The following CPSF6 variants were observed in gnomAD, a reference collection of about 807,000 sequenced individuals.
CPSF6 encodes cleavage and polyadenylation specificity factor subunit 6.
A neutral mutation model predicts 56.7 loss-of-function variants in CPSF6; 10 were observed. The ratio of observed to expected loss-of-function variants is 0.18; its 90% CI spans 0.11 to 0.30. The LOEUF (loss-of-function observed/expected upper bound fraction) is 0.30, where lower values mean the gene tolerates loss of function less well. CPSF6 is among the 10% of genes least tolerant of loss of function. CPSF6 has a pLI of 1.00. For synonymous variants in CPSF6, 248 were observed against 244.8 expected, an observed-to-expected ratio of 1.01 and a Z score of -0.12; for missense variants, 419 against 722.9, an observed-to-expected ratio of 0.58 and a Z score of 4.82.
chr12:69,248,523 T>G (rs533542078), intron 1 of CPSF6, among the ~76,000 whole-genome samples: 5 of 152,338 alleles, frequency 3.3e-5, no homozygotes, highest in Admixed American at 2.0e-4. Context: ...CCACACCGCC[T>G]GAAGCTTCAG....
At position 69,258,274 on chromosome 12, in the gene CPSF6, G is replaced by A. The variant is rs897795909; in HGVS notation, c.695-316G>A. ...TTTCACTTTCTAGCTTGGCATCAGA[G>A]TAGAATATAAGGTGGGTGATTTCAC... On this transcript the variant is annotated intron_variant, in intron 5 of 9. Transcript: ENST00000435070. The surrounding 1 kb of genome is among the most constrained non-coding windows in gnomAD (Gnocchi z 4.2). 6.1e-6 allele frequency: 4 copies of A among 660,958 alleles called. No individual in the cohort carries two copies. The highest frequency in any genetic ancestry group is 1.0e-5 in the Non-Finnish European group (4 of 394,120). The allele number at this position is 660,958 out of a possible 1,614,324, so 40.9% of individuals were successfully genotyped here.
At chr12:69,263,468 A>G (rs1872837543) in intron 9 of CPSF6, among the ~76,000 whole-genome samples, 1 of 152,198 alleles carries the variant, frequency 6.6e-6, no homozygotes, top group East Asian at 1.9e-4. Context: ...GGAGGGCACT[A>G]TAAGGCTTAT....
Position 69,274,056 on chromosome 12 carries a change from C to A in CPSF6, c.*4548C>A, listed in dbSNP as rs187903912. ...ATTTTAGCTATTGACTCTATGGTGA[C>A]TTCACAATAAGATTTCTGTGCAAAA... On this transcript the variant is annotated 3_prime_UTR_variant, in exon 10 of 10. Transcript: ENST00000435070. 2 of 147,852 alleles carry A rather than the reference C, an allele frequency of 1.4e-5. No homozygotes were observed. Among genetic ancestry groups the A allele is most frequent in the Admixed American group, 1.3e-4 (2 of 14,842 alleles). The allele number at this position is 147,852 out of a possible 1,614,324, so 9.2% of individuals were successfully genotyped here.
chr12:69,263,191 T>C (rs938439979), intron 9 of CPSF6, among the ~76,000 whole-genome samples: 2 of 152,060 alleles, frequency 1.3e-5, no homozygotes, highest in Admixed American at 6.5e-5. Context: ...TAAAAGTTAA[T>C]CAATTAAAAT....
At chr12:69,261,700 T>G (rs1872747222) in intron 8 of CPSF6, among the ~76,000 whole-genome samples, 1 of 152,244 alleles carries the variant, frequency 6.6e-6, no homozygotes, top group African/African-American at 2.4e-5. Flanking sequence ...ATTTCCTTAC[T>G]GTGAATTTAG....
At chr12:69,259,926 T>C in intron 7 of CPSF6, 118 bp from the exon 8 acceptor site, 2 of 1,006,788 alleles carry the variant, frequency 2.0e-6, no homozygotes, top group South Asian at 3.0e-5. Context: ...TTGTCTTGCA[T>C]AGTTATTTTA....
Position 69,262,367 on chromosome 12 carries a change from T to C in CPSF6, c.1470-6T>C. The C allele has an allele frequency of 1.3e-6, 2 of 1,569,280 alleles. No individual in the cohort carries two copies. The highest frequency in any genetic ancestry group is 1.2e-5 in the South Asian group (1 of 85,930). On this transcript the variant is annotated splice_region_variant and splice_polypyrimidine_tract_variant and intron_variant, in intron 8 of 9. Transcript: ENST00000435070. ...AGAGCATTAATCCAGTAATTTCTTT[T>C]AGAAGACGTGAACGATCAAGAGAGA...
In CPSF6 at chr12:69,257,788, T is replaced by A. The variant is rs1235456200; in HGVS notation, c.577T>A (p.Ser193Thr). The change falls in exon 5 of 10, where the codon TCC becomes ACC. Residue 193 changes from serine (S) to threonine (T), a missense_variant. Transcript: ENST00000435070. ...EGKAGPPGGS[S>T]RAAFPQGGRG... Reference sequence around the variant, plus strand: ...TAAAGCTGGTCCTCCAGGAGGCAGTTCCCGTGCAGCATTTCCACAAGGTGG... The same window carrying A: ...TAAAGCTGGTCCTCCAGGAGGCAGTACCCGTGCAGCATTTCCACAAGGTGG... The A allele has an allele frequency of 6.2e-7, 1 of 1,613,526 alleles. No homozygotes were observed. The highest frequency in any genetic ancestry group is 8.5e-7 in the Non-Finnish European group (1 of 1,179,894).
In CPSF6 at chr12:69,274,281, C is replaced by T. The variant is rs530492484; in HGVS notation, c.*4773C>T. On this transcript the variant is annotated 3_prime_UTR_variant, in exon 10 of 10. Coordinates refer to ENST00000435070, the MANE Select transcript of CPSF6 (RefSeq NM_007007.3). ...ACTGTTCGGCAGTTTGATATATGGCCATTGTCGGCCTTAAACTGCACTAGT... is the reference window on the plus strand; with the variant it reads ...ACTGTTCGGCAGTTTGATATATGGCTATTGTCGGCCTTAAACTGCACTAGT... 8 of 151,912 alleles carry T rather than the reference C, an allele frequency of 5.3e-5. No homozygotes were observed. In the South Asian group the frequency reaches 1.7e-3, roughly 32 times the overall value. 9.4% of individuals were successfully genotyped at this position (151,912 alleles called of 1,614,324 possible). A position where few individuals can be genotyped will look rare whatever the true frequency, so the allele number is the denominator to read the frequency against.
intron 6 of CPSF6, 57 bp from the exon 7 acceptor site, chr12:69,259,371 T>G (rs1394644894): frequency 1.3e-6 from 2 of 1,578,772 alleles, no homozygotes; most frequent in Non-Finnish European, 1.7e-6. Flanking sequence ...TACACTGTTG[T>G]GACTAACTGA....
chr12:69,243,979 A>G (rs1871756400), intron 1 of CPSF6, among the ~76,000 whole-genome samples: 1 of 152,120 alleles, frequency 6.6e-6, no homozygotes, highest in Non-Finnish European at 1.5e-5. Context: ...GACTACAGGC[A>G]TGTGCCACCA....
intron 7 of CPSF6, 102 bp downstream of exon 7, chr12:69,259,645 C>T (rs1872661679): frequency 2.1e-6 from 2 of 953,886 alleles, no homozygotes; most frequent in East Asian, 2.7e-5. Flanking sequence ...TGTAGTAGTT[C>T]TTTTTATATT....
At chr12:69,247,700 A>G (rs1312157657) in intron 1 of CPSF6, among the ~76,000 whole-genome samples, 2 of 152,162 alleles carry the variant, frequency 1.3e-5, no homozygotes, top group African/African-American at 4.8e-5. Flanking sequence ...TCATGCAAAC[A>G]TCATGCATAT....
At chr12:69,249,107 G>A (rs1457433057) in intron 1 of CPSF6, among the ~76,000 whole-genome samples, 4 of 136,962 alleles carry the variant, frequency 2.9e-5, no homozygotes, top group African/African-American at 8.0e-5. Context: ...AAAAATACAA[G>A]AAATTAGCTG....
intron 9 of CPSF6, among the ~76,000 whole-genome samples, chr12:69,262,781 T>C (rs1044153181): frequency 6.6e-6 from 1 of 152,198 alleles, no homozygotes; most frequent in East Asian, 1.9e-4. Context: ...GTTATCACTT[T>C]CAGGTTTCAA....
chr12:69,253,003 A>G, intron 2 of CPSF6, 48 bp from the exon 3 acceptor site: 1 of 1,089,966 alleles, frequency 9.2e-7, no homozygotes, highest in African/African-American at 1.6e-5. Flanking sequence ...GGATAATAAA[A>G]ATCTTGGTTT....
At chr12:69,246,824 A>G (rs185863433) in intron 1 of CPSF6, among the ~76,000 whole-genome samples, 3 of 152,164 alleles carry the variant, frequency 2.0e-5, no homozygotes, top group Admixed American at 2.0e-4. Context: ...CGAATTTTGT[A>G]TGTATTTATG....
At chr12:69,246,053 C>T (rs1303045406) in intron 1 of CPSF6, among the ~76,000 whole-genome samples, 1 of 152,168 alleles carries the variant, frequency 6.6e-6, no homozygotes, top group Non-Finnish European at 1.5e-5. Flanking sequence ...GGCCACTGTA[C>T]TCCAGCCTGA....
rs1853203897 is a variant in CPSF6 at position 69,272,298 on chromosome 12, T to C, written c.*2790T>C. 6.6e-6 allele frequency: 1 copy of C among 151,698 alleles called. No homozygotes were observed. Among genetic ancestry groups the C allele is most frequent in the Non-Finnish European group, 1.5e-5 (1 of 67,650 alleles). The allele number at this position is 151,698 out of a possible 1,614,324, so 9.4% of individuals were successfully genotyped here. A position where few individuals can be genotyped will look rare whatever the true frequency, so the allele number is the denominator to read the frequency against. On this transcript the variant is annotated 3_prime_UTR_variant, in exon 10 of 10. Transcript: ENST00000435070. ...TTGGAATACACAGATAACTTGTAGCTTAAGATACTATTTTCATTTAATTCT... is the reference window on the plus strand; with the variant it reads ...TTGGAATACACAGATAACTTGTAGCCTAAGATACTATTTTCATTTAATTCT...
Sources: gnomAD v4.1 joint callset for allele counts (sites outside exome capture counted in the v4.1 genomes callset) on GRCh38, gnomAD v4.1.1 for gene constraint, Gnocchi (gnomAD v3.1) non-coding constraint, MANE v1.5 for transcripts, NCBI Gene and HGNC (gene_info 2026-07-23, HGNC 2026-07-21) for gene names.